Variants in INPP4A observed in about 807,000 individuals in gnomAD.
The protein encoded by INPP4A is inositol polyphosphate-4-phosphatase, type I, 107kD.
A neutral mutation model predicts 119.8 loss-of-function variants in INPP4A; 33 were observed. The ratio of observed to expected loss-of-function variants is 0.28; its 90% CI spans 0.21 to 0.37. The LOEUF (loss-of-function observed/expected upper bound fraction) is 0.37, where lower values mean the gene tolerates loss of function less well. Ranked by LOEUF, INPP4A falls within the 10% of genes least tolerant of loss-of-function variation. The pLI is 1.00. For missense variants in INPP4A, 956 were observed against 1,289.9 expected, an observed-to-expected ratio of 0.74 and a Z score of 3.97; for synonymous variants, 496 against 500.7, an observed-to-expected ratio of 0.99 and a Z score of 0.12.
chr2:98,548,452 T>C (rs1188388411), intron 13 of INPP4A, among the ~76,000 whole-genome samples: 1 of 151,696 alleles, frequency 6.6e-6, no homozygotes, highest in Non-Finnish European at 1.5e-5. Flanking sequence ...CTGTGGAGAG[T>C]GTGAGCGTGC....
intron 16 of INPP4A, among the ~76,000 whole-genome samples, chr2:98,557,364 G>A (rs1237666236): frequency 6.6e-6 from 1 of 152,212 alleles, no homozygotes; most frequent in Non-Finnish European, 1.5e-5. Context: ...ATCTGTGGAT[G>A]GTCCTTAATT....
chr2:98,506,971 AGAGTCTGCGGTCTGGGGTGC>A (rs1684178608), intron 1 of INPP4A, among the ~76,000 whole-genome samples: 1 of 152,212 alleles, frequency 6.6e-6, no homozygotes, highest in Non-Finnish European at 1.5e-5. Context: ...GACATTTTGG[AGAGTCTGCGGTCTGGGGTGC>A]TTTGATCCTC....
intron 1 of INPP4A, among the ~76,000 whole-genome samples, chr2:98,500,119 C>T (rs1246035038): frequency 6.6e-6 from 1 of 152,182 alleles, no homozygotes; most frequent in Non-Finnish European, 1.5e-5. Flanking sequence ...GCCCGTGTAT[C>T]TCATTTGACC....
chr2:98,454,157 G>A (rs1250967274), intron 1 of INPP4A, among the ~76,000 whole-genome samples: 1 of 152,136 alleles, frequency 6.6e-6, no homozygotes, highest in African/African-American at 2.4e-5. Flanking sequence ...CTAACAGGTG[G>A]ATCAGCATAT....
intron 1 of INPP4A, among the ~76,000 whole-genome samples, chr2:98,480,596 C>T (rs1678210136): frequency 6.6e-6 from 1 of 152,234 alleles, no homozygotes; most frequent in African/African-American, 2.4e-5. Context: ...CTATGGGTGT[C>T]TGTCCTCTCA....
chr2:98,449,787 A>G (rs1046503796), intron 1 of INPP4A, among the ~76,000 whole-genome samples: 1 of 152,202 alleles, frequency 6.6e-6, no homozygotes, highest in African/African-American at 2.4e-5. Flanking sequence ...TACTCCTTCC[A>G]TTAGGCTTTG....
chr2:98,525,782 C>T (rs1020549090), intron 4 of INPP4A, among the ~76,000 whole-genome samples: 7 of 151,994 alleles, frequency 4.6e-5, no homozygotes, highest in East Asian at 1.9e-4. Flanking sequence ...ATCATGTAAC[C>T]GCAAATTAAA....
At chr2:98,490,591 A>G (rs1680517814) in intron 1 of INPP4A, among the ~76,000 whole-genome samples, 1 of 152,290 alleles carries the variant, frequency 6.6e-6, no homozygotes, top group Middle Eastern at 3.4e-3. Flanking sequence ...CATACTCCAG[A>G]GGTATTTGCG....
chr2:98,461,767 C>T lies in INPP4A; in HGVS notation c.-166+16682C>T, dbSNP rs78791315. Among the ~76,000 whole-genome samples the T allele has an allele frequency of 3.7e-4, 56 of 152,312 alleles. No individual in the cohort carries two copies. In the East Asian group the frequency reaches 7.3e-3, roughly 20 times the overall value. ...TTTCCACATCCCTGGTGCCATGCTG[C>T]GTGCTCGCTGTGTGCCTCTTCTGAC... On this transcript the variant is annotated intron_variant, in intron 1 of 24. Transcript: ENST00000409851.
chr2:98,590,170 G>C lies in INPP4A; in HGVS notation c.*2562G>C, dbSNP rs1575214884. 4.9e-6 allele frequency: 1 copy of C among 202,724 alleles called. No homozygotes were observed. The highest frequency in any genetic ancestry group is 7.6e-5 in the East Asian group (1 of 13,142). The allele number at this position is 202,724 out of a possible 1,614,324, so 12.6% of individuals were successfully genotyped here. A position where few individuals can be genotyped will look rare whatever the true frequency, so the allele number is the denominator to read the frequency against. On this transcript the variant is annotated 3_prime_UTR_variant, in exon 25 of 25. Coordinates refer to ENST00000409851, the MANE Select transcript of INPP4A (RefSeq NM_001134225.2). ...CAAGATATTAAATGTGGTCTTGCCT[G>C]ATTCATCCTATTAGGAGGACTAGTT... is the stretch of plus-strand genomic sequence containing the variant.
chr2:98,545,391 C>A (rs111830428), intron 11 of INPP4A, among the ~76,000 whole-genome samples: 10 of 152,120 alleles, frequency 6.6e-5, no homozygotes, highest in Non-Finnish European at 8.8e-5. Context: ...ACCAACCAGG[C>A]GTAAACAGGG....
In INPP4A at chr2:98,542,956, A is replaced by C. The variant is rs758382504; in HGVS notation, c.819-921A>C. Among the ~76,000 whole-genome samples, 664 of 149,776 alleles carry C rather than the reference A, an allele frequency of 4.4e-3. 1 individual carries two copies. The highest frequency in any genetic ancestry group is 7.5e-3 in the Non-Finnish European group (504 of 67,602). On this transcript the variant is annotated intron_variant, in intron 10 of 24. Coordinates refer to ENST00000409851, the MANE Select transcript of INPP4A (RefSeq NM_001134225.2). ...TTTTTTTTTTTGAGATGGAGTCTCT[A>C]TTGCCTAGGCTGGAGTGCAGTGGTG...
chr2:98,558,337 C>T (rs1694853545), intron 16 of INPP4A, among the ~76,000 whole-genome samples: 1 of 152,164 alleles, frequency 6.6e-6, no homozygotes, highest in Admixed American at 6.5e-5. Flanking sequence ...TGTATTTTTT[C>T]AAGGCCTCAC....
chr2:98,558,409 CT>C (rs1309383910), intron 16 of INPP4A, among the ~76,000 whole-genome samples: 1 of 152,198 alleles, frequency 6.6e-6, no homozygotes, highest in East Asian at 1.9e-4. Context: ...GGGTTTCTAT[CT>C]TTGTTAGCAA....
intron 1 of INPP4A, among the ~76,000 whole-genome samples, chr2:98,460,748 G>A (rs1697001791): frequency 6.6e-6 from 1 of 152,174 alleles, no homozygotes; most frequent in Non-Finnish European, 1.5e-5. Context: ...CCTGCTGCAG[G>A]ATGTCCACAA....
chr2:98,497,046 GT>G (rs1251751007), intron 1 of INPP4A, among the ~76,000 whole-genome samples: 1 of 152,194 alleles, frequency 6.6e-6, no homozygotes, highest in Non-Finnish European at 1.5e-5. Flanking sequence ...AGGGAGTTAG[GT>G]TTCTCTGCTT....
chr2:98,532,936 C>T (rs561540621), intron 4 of INPP4A, among the ~76,000 whole-genome samples: 1 of 152,330 alleles, frequency 6.6e-6, no homozygotes, highest in African/African-American at 2.4e-5. Context: ...TGCCAAGACA[C>T]GTGGAGCACC....
chr2:98,556,984 G>T (rs1694607739), intron 16 of INPP4A, among the ~76,000 whole-genome samples: 1 of 152,130 alleles, frequency 6.6e-6, no homozygotes, highest in African/African-American at 2.4e-5. Context: ...AAAATTTTCT[G>T]AAAATTCATT....
In INPP4A at chr2:98,566,486, T is replaced by G. The variant is rs540963690; in HGVS notation, c.2420+317T>G. 9.3e-4 allele frequency among the ~76,000 whole-genome samples: 141 copies of G among 152,026 alleles called. No homozygotes were observed. The highest frequency in any genetic ancestry group is 1.6e-3 in the Non-Finnish European group (112 of 68,006). On this transcript the variant is annotated intron_variant, in intron 21 of 24. Coordinates refer to ENST00000409851, the MANE Select transcript of INPP4A (RefSeq NM_001134225.2). This position sits in a 1 kb window ranked among gnomAD's most constrained non-coding sequence, Gnocchi z 4.2. ...CAAGGTCTAGGGGGTCTGTAAAGGC[T>G]TCTTGGAGTTGCAGGGGATGGGGCT... is the stretch of plus-strand genomic sequence containing the variant.
Sources: gnomAD v4.1 joint callset for allele counts (sites outside exome capture counted in the v4.1 genomes callset) on GRCh38, gnomAD v4.1.1 for gene constraint, Gnocchi (gnomAD v3.1) non-coding constraint, MANE v1.5 for transcripts, NCBI Gene and HGNC (gene_info 2026-07-23, HGNC 2026-07-21) for gene names.